Variants in SVOP observed in about 807,000 individuals in gnomAD.
SVOP encodes the protein synaptic vesicle 2-related protein.
A neutral mutation model predicts 69.1 loss-of-function variants in SVOP; 17 were observed. The observed-to-expected ratio is 0.25, with a 90% CI of 0.17 to 0.37. The LOEUF is 0.37. SVOP is among the 10% of genes least tolerant of loss of function. SVOP has a pLI of 1.00. For missense variants in SVOP, 435 were observed against 597.5 expected (o/e 0.73, Z 2.84); for synonymous variants, 238 against 238.6 (o/e 1.00, Z 0.02).
chr12:108,940,846 C>T lies in SVOP; in HGVS notation c.706G>A (p.Gly236Ser), dbSNP rs1384794946. ...GAGAGGATGAGCAGCCAACGCCAGCCCAGGCTGGGCATCACGAACACAGCC... is the reference window on the plus strand; with the variant it reads ...GAGAGGATGAGCAGCCAACGCCAGCTCAGGCTGGGCATCACGAACACAGCC... ...VLAVFVMPSL[G>S]WRWLLILSAV... Residue 236 changes from glycine to serine, a missense_variant, in exon 8 of 16, where the codon GGC becomes AGC. Physicochemically the swap from Gly to Ser is moderately conservative, Grantham distance 56. Transcript: ENST00000610966. 4 of 1,537,184 alleles carry T rather than the reference C, an allele frequency of 2.6e-6. No individual in the cohort carries two copies. The highest frequency in any genetic ancestry group is 4.9e-5 in the East Asian group (2 of 40,906).
At position 108,945,041 on chromosome 12, in the gene SVOP, C is replaced by T; in HGVS notation, c.642+62G>A. The stretch of plus-strand genomic sequence containing the variant: ...CTTTTCCTTGACCTGTGGTTCAAGA[C>T]ATCTGAGAACCTCCTGCCGGAATCC... On this transcript the variant is annotated intron_variant, in intron 7 of 15. Coordinates refer to ENST00000610966, the MANE Select transcript of SVOP (RefSeq NM_018711.5). The T allele has an allele frequency of 3.4e-6, 5 of 1,462,082 alleles. No individual in the cohort carries two copies. In the East Asian group the frequency reaches 7.4e-5, roughly 22 times the overall value. 90.6% of individuals were successfully genotyped at this position (1,462,082 alleles called of 1,614,324 possible). A position where few individuals can be genotyped will look rare whatever the true frequency, so the allele number is the denominator to read the frequency against.
intron 12 of SVOP, among the ~76,000 whole-genome samples, chr12:108,920,926 C>T (rs918442750): frequency 2.6e-5 from 4 of 152,148 alleles, no homozygotes; most frequent in Non-Finnish European, 5.9e-5. Flanking sequence ...CTTGTTTAGT[C>T]ATCAAAACGA....
rs1206805835 is a variant in SVOP, at chr12:108,930,507, G to A, written c.1048+3688C>T. Among the ~76,000 whole-genome samples the A allele has an allele frequency of 4.7e-5, 7 of 149,024 alleles. No individual in the cohort carries two copies. The East Asian group carries it at 1.4e-3, about 29-fold the overall frequency. The stretch of plus-strand genomic sequence containing the variant: ...GGCTGGAGTGCAGTGGCGTCTTCTC[G>A]GCTCACTGCAGCCTCAGCCTCCCCA... On this transcript the variant is annotated intron_variant, in intron 11 of 15. Transcript: ENST00000610966.
At chr12:108,939,526 C>A (rs34176300) in intron 8 of SVOP, among the ~76,000 whole-genome samples, 13,247 of 152,294 alleles carry the variant, frequency 0.087, 667 homozygotes, top group Middle Eastern at 0.16. Flanking sequence ...AATGGAGCAA[C>A]AGCTGTTTGA....
At position 108,973,383 on chromosome 12, in the gene SVOP, A is replaced by T. The variant is rs147365780; in HGVS notation, c.382-907T>A. Reference sequence around the variant, plus strand: ...GAAGCAGACAGTTTATGTATGTATAATTTATTTATTTGTTTGTTTGTTTGT... The same window carrying T: ...GAAGCAGACAGTTTATGTATGTATATTTTATTTATTTGTTTGTTTGTTTGT... On this transcript the variant is annotated intron_variant, in intron 4 of 15. Transcript: ENST00000610966. 2.6e-5 allele frequency among the ~76,000 whole-genome samples: 4 copies of T among 151,322 alleles called. No homozygotes were observed. In the East Asian group the frequency reaches 7.8e-4, roughly 30 times the overall value.
chr12:108,930,751 T>G (rs1477415786), intron 11 of SVOP, among the ~76,000 whole-genome samples: 2 of 152,074 alleles, frequency 1.3e-5, no homozygotes, highest in Admixed American at 6.6e-5. Flanking sequence ...TGCTTTTGAG[T>G]GGCGGAAATC....
At chr12:108,962,959 T>C (rs1380103205) in intron 5 of SVOP, among the ~76,000 whole-genome samples, 1 of 152,038 alleles carries the variant, frequency 6.6e-6, no homozygotes, top group Non-Finnish European at 1.5e-5. Flanking sequence ...AGTGAGACTC[T>C]ATCTCAAAAC....
At position 108,915,036 on chromosome 12, in the gene SVOP, G is replaced by T. The variant is rs1204857383; in HGVS notation, c.1440+747C>A. Among the ~76,000 whole-genome samples the T allele has an allele frequency of 2.6e-5, 4 of 151,754 alleles. No individual in the cohort carries two copies. The East Asian group carries it at 7.9e-4, about 30-fold the overall frequency. ...AAAAATACAGAAATTAGCCAGGCGTGGTGGTGCACGCCTGTAATCCCAGCT... is the reference window on the plus strand; with the variant it reads ...AAAAATACAGAAATTAGCCAGGCGTTGTGGTGCACGCCTGTAATCCCAGCT... On this transcript the variant is annotated intron_variant, in intron 15 of 15. Coordinates refer to ENST00000610966, the MANE Select transcript of SVOP (RefSeq NM_018711.5).
chr12:108,980,486 CG>C (rs2040129398), intron 2 of SVOP, among the ~76,000 whole-genome samples: 1 of 150,608 alleles, frequency 6.6e-6, no homozygotes, highest in Non-Finnish European at 1.5e-5. Flanking sequence ...TGGTGGCTCA[CG>C]CCTGAAATCT....
chr12:109,017,569 A>G (rs2040374373), intron 1 of SVOP, among the ~76,000 whole-genome samples: 1 of 152,050 alleles, frequency 6.6e-6, no homozygotes, highest in Non-Finnish European at 1.5e-5. Context: ...ATTTTTTTTG[A>G]GACAGAGTCT....
chr12:108,945,059 C>T (rs36131538), intron 7 of SVOP, 44 bp downstream of exon 7: 891,445 of 1,522,478 alleles, frequency 0.59, 271,276 homozygotes, highest in Non-Finnish European at 0.62. Context: ...AACCTCCTGC[C>T]GGAATCCACA....
At chr12:108,967,458 C>T in intron 5 of SVOP, among the ~76,000 whole-genome samples, 1 of 151,618 alleles carries the variant, frequency 6.6e-6, no homozygotes, top group East Asian at 1.9e-4. Context: ...AAGATCTCAC[C>T]ACTGCACTCC....
intron 11 of SVOP, among the ~76,000 whole-genome samples, chr12:108,923,341 T>C (rs1474070980): frequency 1.3e-5 from 2 of 151,266 alleles, no homozygotes; most frequent in African/African-American, 2.5e-5. Flanking sequence ...GCCATGTAGG[T>C]GGCCTATGTG....
At chr12:108,958,006 A>T (rs2039994872) in intron 6 of SVOP, among the ~76,000 whole-genome samples, 1 of 152,234 alleles carries the variant, frequency 6.6e-6, no homozygotes, top group Non-Finnish European at 1.5e-5. Context: ...TGGGCTGCAT[A>T]ACACATTTGA....
intron 6 of SVOP, among the ~76,000 whole-genome samples, chr12:108,949,089 T>A (rs550312805): frequency 6.6e-6 from 1 of 152,282 alleles, no homozygotes; most frequent in East Asian, 1.9e-4. Flanking sequence ...TATCATGAAG[T>A]CTTTTCATTC....
intron 6 of SVOP, among the ~76,000 whole-genome samples, chr12:108,955,402 C>T (rs933482993): frequency 2.0e-5 from 3 of 152,180 alleles, no homozygotes; most frequent in Non-Finnish European, 2.9e-5. Flanking sequence ...GTCCACAAGT[C>T]CCTGCCAGCC....
intron 6 of SVOP, among the ~76,000 whole-genome samples, chr12:108,947,421 T>A (rs555759190): frequency 6.6e-6 from 1 of 152,170 alleles, no homozygotes; most frequent in Non-Finnish European, 1.5e-5. Flanking sequence ...CTGTGTATAT[T>A]TATTTAAAAA....
intron 8 of SVOP, 145 bp from the exon 9 acceptor site, chr12:108,939,100 A>G (rs2039873816): frequency 1.8e-6 from 2 of 1,141,574 alleles, no homozygotes; most frequent in Admixed American, 2.6e-5. Flanking sequence ...TGGCCCCACC[A>G]TTTATTATGT....
chr12:109,020,476 C>T (rs2040390752), intron 1 of SVOP, among the ~76,000 whole-genome samples: 1 of 152,202 alleles, frequency 6.6e-6, no homozygotes, highest in African/African-American at 2.4e-5. Context: ...GGACCGATGT[C>T]ATTGCATAGA....
Sources: gnomAD v4.1 joint callset for allele counts (sites outside exome capture counted in the v4.1 genomes callset) on GRCh38, gnomAD v4.1.1 for gene constraint, MANE v1.5 for transcripts, NCBI Gene and HGNC (gene_info 2026-07-23, HGNC 2026-07-21) for gene names.